Variants in ZNF804B observed in about 807,000 individuals in gnomAD.
ZNF804B encodes zinc finger 804B.
Under a neutral mutation model 101.4 loss-of-function variants are expected in ZNF804B, and 80 were observed. The ratio of observed to expected loss-of-function variants is 0.79; its 90% confidence interval spans 0.66 to 0.95. The LOEUF (loss-of-function observed/expected upper bound fraction) is 0.95, where lower values mean the gene tolerates loss of function less well. Among genes scored for constraint, ZNF804B ranks in the 40% least tolerant of loss-of-function variants. The pLI, the probability that ZNF804B is intolerant of heterozygous loss-of-function variation, is 0.00. For missense variants in ZNF804B, 1,673 were observed against 1,561.9 expected (o/e 1.07, Z -1.20); for synonymous variants, 622 against 558.8 (o/e 1.11, Z -1.59).
At chr7:88,919,218 T>C (rs1475412530) in intron 1 of ZNF804B, among the ~76,000 whole-genome samples, 3 of 152,150 alleles carry the variant, frequency 2.0e-5, no homozygotes, top group African/African-American at 4.8e-5. Flanking sequence ...AAACCATTGA[T>C]GATGCCTTAA....
chr7:89,042,937 G>A (rs939635281), intron 1 of ZNF804B, among the ~76,000 whole-genome samples: 87 of 152,208 alleles, frequency 5.7e-4, no homozygotes, highest in African/African-American at 9.1e-4. Flanking sequence ...TGTTATGTAC[G>A]CAGGCCAATT....
At chr7:89,031,043 A>G (rs925324540) in intron 1 of ZNF804B, among the ~76,000 whole-genome samples, 1 of 151,820 alleles carries the variant, frequency 6.6e-6, no homozygotes, top group Non-Finnish European at 1.5e-5. Flanking sequence ...TGGGGGAGGG[A>G]TAGTGTAAGG....
chr7:88,834,734 A>G (rs1791184547), intron 1 of ZNF804B, among the ~76,000 whole-genome samples: 2 of 151,668 alleles, frequency 1.3e-5, no homozygotes, highest in African/African-American at 4.8e-5. Context: ...ACGATGCTAT[A>G]TTGATGTCAG....
chr7:88,933,914 T>C (rs190812212), intron 1 of ZNF804B, among the ~76,000 whole-genome samples: 1 of 128,030 alleles, frequency 7.8e-6, no homozygotes, highest in Admixed American at 8.1e-5. Flanking sequence ...AAAACAATCG[T>C]AAAATTTGTA....
chr7:88,988,204 C>T (rs1467331188), intron 1 of ZNF804B, among the ~76,000 whole-genome samples: 3 of 151,350 alleles, frequency 2.0e-5, no homozygotes, highest in African/African-American at 2.4e-5. Context: ...CACATTTTAC[C>T]ACCAAGAAAA....
intron 1 of ZNF804B, among the ~76,000 whole-genome samples, chr7:89,205,797 G>T (rs1275847431): frequency 6.6e-6 from 1 of 152,192 alleles, no homozygotes; most frequent in Non-Finnish European, 1.5e-5. Flanking sequence ...CTGGAGGATG[G>T]TGGCCCTCTT....
intron 1 of ZNF804B, among the ~76,000 whole-genome samples, chr7:88,767,059 C>T (rs1259690591): frequency 1.3e-5 from 2 of 152,124 alleles, no homozygotes; most frequent in Non-Finnish European, 2.9e-5. Context: ...TGCCATCAGT[C>T]CTTATTCATT....
At chr7:88,917,163 G>C (rs1792644533) in intron 1 of ZNF804B, among the ~76,000 whole-genome samples, 1 of 152,072 alleles carries the variant, frequency 6.6e-6, no homozygotes, top group African/African-American at 2.4e-5. Context: ...TACTTGGAAG[G>C]CTGAGGCAGG....
rs768545610 is a variant in ZNF804B at position 89,334,802 on chromosome 7, G to C, written c.1820G>C (p.Arg607Thr). The change falls in exon 4 of 4, where the codon AGG becomes ACG. Residue 607 changes from arginine (R) to threonine (T), a missense_variant. Arg to Thr is a moderately conservative substitution (Grantham distance 71, BLOSUM62 -1). Coordinates refer to ENST00000333190, the MANE Select transcript of ZNF804B (RefSeq NM_181646.5). ...GAGAACAAACTTAAGGAAGCTTCAA[G>C]GGCCCATTGGCAAGGCTGCAGAAAG... is the stretch of plus-strand genomic sequence containing the variant. ...SSENKLKEAS[R>T]AHWQGCRKAV... 1.2e-6 allele frequency: 2 copies of C among 1,613,836 alleles called. No individual in the cohort carries two copies. Among genetic ancestry groups the C allele is most frequent in the South Asian group, 2.2e-5 (2 of 91,076 alleles).
intron 1 of ZNF804B, among the ~76,000 whole-genome samples, chr7:89,119,497 G>A (rs1790366147): frequency 3.3e-5 from 5 of 152,216 alleles, no homozygotes; most frequent in Admixed American, 2.0e-4. Context: ...ATATTAATTT[G>A]CTTTGCTTTT....
chr7:89,153,174 G>A (rs1398663972), intron 1 of ZNF804B, among the ~76,000 whole-genome samples: 2 of 151,836 alleles, frequency 1.3e-5, no homozygotes, highest in Non-Finnish European at 1.5e-5. Context: ...CATAGTTCTA[G>A]CAGAATGAGG....
At chr7:88,927,724 A>C (rs1792827577) in intron 1 of ZNF804B, among the ~76,000 whole-genome samples, 1 of 152,010 alleles carries the variant, frequency 6.6e-6, no homozygotes, top group African/African-American at 2.4e-5. Context: ...AGTGATCAAC[A>C]CTTCTCTTTC....
chr7:89,172,100 T>A (rs551612797), intron 1 of ZNF804B, among the ~76,000 whole-genome samples: 1 of 152,186 alleles, frequency 6.6e-6, no homozygotes, highest in African/African-American at 2.4e-5. Context: ...TGGCACTATA[T>A]AATAAAATCA....
chr7:89,181,808 C>CT (rs1788302649), intron 1 of ZNF804B, among the ~76,000 whole-genome samples: 2 of 152,146 alleles, frequency 1.3e-5, no homozygotes, highest in South Asian at 4.1e-4. Flanking sequence ...GGGTTGCTGG[C>CT]TATAAGGATG....
intron 2 of ZNF804B, among the ~76,000 whole-genome samples, chr7:89,263,044 G>A (rs115952337): frequency 9.3e-4 from 142 of 152,258 alleles, no homozygotes; most frequent in Middle Eastern, 3.4e-3. Context: ...ATGTGGCTTG[G>A]ATACTTCGTT....
chr7:88,824,276 T>C (rs1017041837), intron 1 of ZNF804B, among the ~76,000 whole-genome samples: 5 of 152,118 alleles, frequency 3.3e-5, no homozygotes, highest in Admixed American at 6.6e-5. Context: ...AGGGAAGTAA[T>C]TGCATCATGG....
intron 1 of ZNF804B, among the ~76,000 whole-genome samples, chr7:88,947,267 A>G (rs897504232): frequency 3.9e-5 from 6 of 152,050 alleles, no homozygotes; most frequent in Non-Finnish European, 8.8e-5. Context: ...AACCAACCCA[A>G]ATGCTCATCA....
intron 2 of ZNF804B, among the ~76,000 whole-genome samples, chr7:89,239,349 T>G (rs1789331457): frequency 6.6e-6 from 1 of 152,136 alleles, no homozygotes; most frequent in African/African-American, 2.4e-5. Flanking sequence ...TCTCTTTGAA[T>G]TGGCAATATG....
At chr7:89,015,512 G>T (rs1456114966) in intron 1 of ZNF804B, among the ~76,000 whole-genome samples, 6 of 150,130 alleles carry the variant, frequency 4.0e-5, no homozygotes, top group Non-Finnish European at 7.4e-5. Context: ...ACAGTCCCCA[G>T]AGTGTAATGT....
Sources: gnomAD v4.1 joint callset for allele counts (sites outside exome capture counted in the v4.1 genomes callset) on GRCh38, gnomAD v4.1.1 for gene constraint, MANE v1.5 for transcripts, NCBI Gene and HGNC (gene_info 2026-07-23, HGNC 2026-07-21) for gene names.